Variants in NCKAP5 observed in about 807,000 individuals in gnomAD.
NCKAP5 encodes the protein NCK associated protein 5.
A neutral mutation model predicts 167.0 loss-of-function variants in NCKAP5; 92 were observed. That is an observed-to-expected ratio of 0.55 (90% confidence interval 0.47 to 0.66). The LOEUF (loss-of-function observed/expected upper bound fraction) is 0.66, where lower values mean the gene tolerates loss of function less well. Ranked by LOEUF, NCKAP5 falls within the 30% of genes least tolerant of loss-of-function variation. The probability of loss-of-function intolerance (pLI) is 0.00; values close to 1 mark genes in which losing one functional copy is unlikely to be tolerated. For missense variants in NCKAP5, 2,378 were observed against 2,315.0 expected, an observed-to-expected ratio of 1.03 and a Z score of -0.56; for synonymous variants, 891 against 877.4, an observed-to-expected ratio of 1.02 and a Z score of -0.27.
chr2:132,705,188 C>G (rs991309866), intron 19 of NCKAP5, among the ~76,000 whole-genome samples: 1 of 152,116 alleles, frequency 6.6e-6, no homozygotes, highest in African/African-American at 2.4e-5. Context: ...TTTCTCATCT[C>G]TTACATCATC....
intron 3 of NCKAP5, among the ~76,000 whole-genome samples, chr2:133,343,506 A>C (rs1013652374): frequency 6.6e-6 from 1 of 152,210 alleles, no homozygotes; most frequent in African/African-American, 2.4e-5. Flanking sequence ...AAGGGCAAAA[A>C]TTAAAAAAAA....
At chr2:133,639,098 G>GA in the NCKAP5 span, among the ~76,000 whole-genome samples, 1 of 152,120 alleles carries the variant, frequency 6.6e-6, no homozygotes, top group South Asian at 2.1e-4. Context: ...CAATCATAAT[G>GA]AAAACACTCT....
chr2:133,223,845 T>A lies in NCKAP5; in HGVS notation c.144-10066A>T, dbSNP rs72846317. On this transcript the variant is annotated intron_variant, in intron 4 of 19. Coordinates refer to ENST00000409261, the MANE Select transcript of NCKAP5 (RefSeq NM_207363.3). Reference sequence around the variant, plus strand: ...ACTGGCATGTAAAACTCACCAACATTGGAAAAGCACAAGACTTTAATAAAT... The same window carrying A: ...ACTGGCATGTAAAACTCACCAACATAGGAAAAGCACAAGACTTTAATAAAT... Among the ~76,000 whole-genome samples the A allele has an allele frequency of 5.2e-3, 786 of 152,268 alleles. 3 individuals are homozygous for A. Among genetic ancestry groups the A allele is most frequent in the Non-Finnish European group, 7.8e-3 (528 of 68,012 alleles).
the NCKAP5 span, among the ~76,000 whole-genome samples, chr2:133,590,370 CA>C: frequency 6.6e-6 from 1 of 150,542 alleles, no homozygotes; most frequent in Non-Finnish European, 1.5e-5. Context: ...ACTAAAAATA[CA>C]AAAAACTAGC....
intron 5 of NCKAP5, among the ~76,000 whole-genome samples, chr2:133,146,395 C>A (rs544099649): frequency 2.6e-5 from 4 of 151,962 alleles, no homozygotes; most frequent in Admixed American, 6.6e-5. Context: ...GTGTTTCATG[C>A]GACTACCATT....
chr2:133,462,811 A>C (rs1692284458), intron 3 of NCKAP5, among the ~76,000 whole-genome samples: 1 of 152,226 alleles, frequency 6.6e-6, no homozygotes, highest in African/African-American at 2.4e-5. Context: ...CACAAGCATA[A>C]GAGCATGAAT....
chr2:133,209,004 T>A lies in NCKAP5; in HGVS notation c.207+4712A>T, dbSNP rs143966966. 4.7e-3 allele frequency among the ~76,000 whole-genome samples: 718 copies of A among 152,158 alleles called. 5 individuals carry two copies. The highest frequency in any genetic ancestry group is 0.015 in the African/African-American group (641 of 41,512). On this transcript the variant is annotated intron_variant, in intron 5 of 19. Coordinates refer to ENST00000409261, the MANE Select transcript of NCKAP5 (RefSeq NM_207363.3). ...TGATGTCGAAAAATTAGCTATTAAT[T>A]TGGGGAAAAATTTCTCTCTGATCTC...
At chr2:132,902,306 C>T (rs778155798) in intron 8 of NCKAP5, among the ~76,000 whole-genome samples, 11 of 152,128 alleles carry the variant, frequency 7.2e-5, no homozygotes, top group Non-Finnish European at 1.5e-4. Flanking sequence ...AAGGGAAAGA[C>T]GGTTGATAGC....
Position 132,728,910 on chromosome 2 carries a change from G to A in NCKAP5, c.5486C>T (p.Pro1829Leu). The stretch of plus-strand genomic sequence containing the variant: ...ATATCCGAATGATGAGCATGTCTGA[G>A]GCCTTGGCTCTGCTTCATTCTGCTT... The part of the protein sequence containing the change: ...SQKQNEAEPR[P>L]QTCSSFGYAE... Residue 1829 changes from proline (P) to leucine (L), a missense_variant, in exon 18 of 20, where the codon CCT becomes CTT. Transcript: ENST00000409261. 1 of 1,613,956 alleles carries A rather than the reference G, an allele frequency of 6.2e-7. No individual in the cohort carries two copies. Among genetic ancestry groups the A allele is most frequent in the Non-Finnish European group, 8.5e-7 (1 of 1,179,854 alleles).
chr2:132,974,122 G>T (rs1416622042), intron 7 of NCKAP5, among the ~76,000 whole-genome samples: 1 of 152,106 alleles, frequency 6.6e-6, no homozygotes, highest in Admixed American at 6.6e-5. Flanking sequence ...TAGCACTGTA[G>T]GGGGAAAAAC....
At chr2:133,191,344 C>T (rs2085208579) in intron 5 of NCKAP5, among the ~76,000 whole-genome samples, 1 of 152,190 alleles carries the variant, frequency 6.6e-6, no homozygotes, top group East Asian at 1.9e-4. Flanking sequence ...ACTAGTTCAA[C>T]CATTGTGGAA....
chr2:133,577,467 C>T, the NCKAP5 span, among the ~76,000 whole-genome samples: 1 of 152,078 alleles, frequency 6.6e-6, no homozygotes, highest in African/African-American at 2.4e-5. Flanking sequence ...CATTATTTCC[C>T]TGTTCTCAGC....
chr2:133,195,035 T>C (rs1455540544), intron 5 of NCKAP5, among the ~76,000 whole-genome samples: 1 of 152,038 alleles, frequency 6.6e-6, no homozygotes, highest in Non-Finnish European at 1.5e-5. Flanking sequence ...GTTTCTCCAG[T>C]TTATTTGAAC....
intron 3 of NCKAP5, among the ~76,000 whole-genome samples, chr2:133,509,146 T>C (rs1284665034): frequency 6.6e-6 from 1 of 152,182 alleles, no homozygotes; most frequent in Non-Finnish European, 1.5e-5. Context: ...TGAAGCTACC[T>C]AACAATTTTT....
At chr2:133,375,148 C>T (rs2150926087) in intron 3 of NCKAP5, among the ~76,000 whole-genome samples, 1 of 152,328 alleles carries the variant, frequency 6.6e-6, no homozygotes, top group East Asian at 1.9e-4. Context: ...CCTGTTCCAA[C>T]TTCTACTATC....
At chr2:132,714,005 C>T (rs1558959144) in intron 19 of NCKAP5, among the ~76,000 whole-genome samples, 1 of 152,212 alleles carries the variant, frequency 6.6e-6, no homozygotes, top group Non-Finnish European at 1.5e-5. Context: ...TCCAGCCTCA[C>T]CATATTTCTG....
intron 19 of NCKAP5, among the ~76,000 whole-genome samples, chr2:132,702,463 A>T (rs1687980407): frequency 1.3e-5 from 2 of 152,158 alleles, no homozygotes; most frequent in South Asian, 4.1e-4. Context: ...TTAAAGGGGC[A>T]AGAGAGCTCC....
intron 19 of NCKAP5, among the ~76,000 whole-genome samples, chr2:132,704,895 C>A (rs1046691228): frequency 6.6e-6 from 1 of 152,162 alleles, no homozygotes; most frequent in Non-Finnish European, 1.5e-5. Flanking sequence ...TTACTAACTT[C>A]AAGTTGATAA....
chr2:133,472,962 T>C (rs1679481644), intron 3 of NCKAP5, among the ~76,000 whole-genome samples: 1 of 152,220 alleles, frequency 6.6e-6, no homozygotes, highest in Non-Finnish European at 1.5e-5. Flanking sequence ...ATAAAGATGA[T>C]AATTGTTACC....
Sources: allele counts gnomAD v4.1 joint callset (sites outside exome capture counted in the v4.1 genomes callset), GRCh38; gene constraint gnomAD v4.1.1; transcripts MANE v1.5; gene names NCBI Gene and HGNC (gene_info 2026-07-23, HGNC 2026-07-21).